VPS13C: variants seen among roughly 807,000 people sequenced by gnomAD.
VPS13C encodes intermembrane lipid transfer protein VPS13C.
In VPS13C, 358 loss-of-function variants were observed where a neutral mutation model predicts 456.8. The observed-to-expected ratio is 0.78, with a 90% confidence interval of 0.72 to 0.86. VPS13C has a LOEUF of 0.86. Among genes scored for constraint, VPS13C ranks in the 40% least tolerant of loss-of-function variants. The pLI, the probability that VPS13C is intolerant of heterozygous loss-of-function variation, is 0.00. For synonymous variants in VPS13C, 1,578 were observed against 1,486.7 expected (o/e 1.06, Z -1.41); for missense variants, 4,818 against 4,385.4 (o/e 1.10, Z -2.79).
intron 58 of VPS13C, among the ~76,000 whole-genome samples, chr15:61,919,008 A>G (rs1226653714): frequency 6.6e-6 from 1 of 152,126 alleles, no homozygotes; most frequent in Non-Finnish European, 1.5e-5. Context: ...AAAGGAATAT[A>G]CCAAAAGAGC....
At chr15:61,897,326 T>C (rs1393563956) in intron 66 of VPS13C, among the ~76,000 whole-genome samples, 1 of 152,008 alleles carries the variant, frequency 6.6e-6, no homozygotes, top group Non-Finnish European at 1.5e-5. Flanking sequence ...GACATTAAAA[T>C]CAAAGGCAAA....
chr15:61,873,656 A>T (rs565439542), intron 77 of VPS13C, among the ~76,000 whole-genome samples: 1 of 152,240 alleles, frequency 6.6e-6, no homozygotes, highest in Admixed American at 6.6e-5. Flanking sequence ...ATTATAAAAA[A>T]GACAAAAAAA....
chr15:61,926,972 C>A, intron 52 of VPS13C, 119 bp downstream of exon 52: 1 of 897,734 alleles, frequency 1.1e-6, no homozygotes, highest in Non-Finnish European at 1.7e-6. Context: ...TATGTAAAAC[C>A]CCAAGTTCAC....
rs2140055174 is a variant in VPS13C, at chr15:61,885,500, T to G, written c.9342-1231A>C. Among the ~76,000 whole-genome samples the G allele has an allele frequency of 2.0e-5, 3 of 152,244 alleles. 1 individual carries two copies. The South Asian group carries it at 6.2e-4, about 32-fold the overall frequency. The stretch of plus-strand genomic sequence containing the variant: ...AGTTACTGCTGCTAACCCATCAAAC[T>G]GCTGTGTGGTAACACAAGTAAGAAC... On this transcript the variant is annotated intron_variant, in intron 67 of 84. Transcript: ENST00000644861.
chr15:62,050,662 C>T lies in VPS13C; in HGVS notation c.101-6407G>A, dbSNP rs369780452. ...AAAAAATACAAAAAAATTAGCCAGG[C>T]ATGGTGGCAGGTGCCTGTCATCTCA... is the stretch of plus-strand genomic sequence containing the variant. On this transcript the variant is annotated intron_variant, in intron 1 of 84. Transcript: ENST00000644861. 1.4e-4 allele frequency among the ~76,000 whole-genome samples: 21 copies of T among 152,090 alleles called. No homozygotes were observed. In the East Asian group the frequency reaches 4.1e-3, roughly 29 times the overall value.
At position 61,880,658 on chromosome 15, in the gene VPS13C, T is replaced by C; in HGVS notation, c.9953A>G (p.Asp3318Gly). ...NAELMETSMT[D>G]MSILSFFEHF... ...TTCAAAGAAACTAAGAATTGACATA[T>C]CAGTCATTGAAGTCTCCATTAATTC... is the stretch of plus-strand genomic sequence containing the variant. Residue 3318 changes from aspartate to glycine, a missense_variant, in exon 73 of 85, where the codon GAT becomes GGT. By Grantham distance (94) the Asp-to-Gly change is moderately conservative. Coordinates refer to ENST00000644861, the MANE Select transcript of VPS13C (RefSeq NM_020821.3). The C allele has an allele frequency of 1.2e-6, 2 of 1,600,836 alleles. No homozygotes were observed. Among genetic ancestry groups the C allele is most frequent in the Non-Finnish European group, 8.5e-7 (1 of 1,174,774 alleles).
At chr15:61,997,002 T>C (rs962073748) in intron 16 of VPS13C, among the ~76,000 whole-genome samples, 1 of 150,276 alleles carries the variant, frequency 6.7e-6, no homozygotes, top group East Asian at 1.9e-4. Flanking sequence ...TACATACATA[T>C]ATATATATAT....
intron 55 of VPS13C, 91 bp downstream of exon 55, chr15:61,921,856 C>A: frequency 5.9e-6 from 8 of 1,357,086 alleles, no homozygotes; most frequent in Non-Finnish European, 8.3e-6. Context: ...TTCAAGGATC[C>A]TAGACCACAT....
At chr15:61,860,675 T>C (rs1377703620) in intron 82 of VPS13C, among the ~76,000 whole-genome samples, 1 of 152,198 alleles carries the variant, frequency 6.6e-6, no homozygotes, top group African/African-American at 2.4e-5. Context: ...ATGATGACAG[T>C]ATATTGTTAC....
At chr15:61,970,355 C>A (rs552965635) in intron 27 of VPS13C, among the ~76,000 whole-genome samples, 10 of 152,208 alleles carry the variant, frequency 6.6e-5, no homozygotes, top group African/African-American at 9.6e-5. Flanking sequence ...AACCCACAAA[C>A]CTGTAAGCAA....
chr15:61,858,141 T>C lies in VPS13C; in HGVS notation c.10953-1732A>G, dbSNP rs909181378. On this transcript the variant is annotated intron_variant, in intron 82 of 84. Transcript: ENST00000644861. This position sits in a 1 kb window ranked among gnomAD's most constrained non-coding sequence, Gnocchi z 4.4. Reference sequence around the variant, plus strand: ...CACAATTCACTATTCCAAATATCTTTAAACTCTTCTCTTTACCATCCCAAT... The same window carrying C: ...CACAATTCACTATTCCAAATATCTTCAAACTCTTCTCTTTACCATCCCAAT... Among the ~76,000 whole-genome samples, 14 of 152,146 alleles carry C rather than the reference T, an allele frequency of 9.2e-5. No homozygotes were observed. Among genetic ancestry groups the C allele is most frequent in the Non-Finnish European group, 1.9e-4 (13 of 68,022 alleles).
rs551408040 is a variant in VPS13C, at chr15:61,864,602, T to G, written c.10864-1074A>C. 4 of 981,178 alleles carry G rather than the reference T, an allele frequency of 4.1e-6. No homozygotes were observed. The East Asian group carries it at 4.5e-4, about 112-fold the overall frequency. 60.8% of individuals were successfully genotyped at this position (981,178 alleles called of 1,614,324 possible). ...CAGAGAAATCACATTTGATATTATT[T>G]CAATGCTTAAATATACATTTTTTAA... On this transcript the variant is annotated intron_variant, in intron 81 of 84. Transcript: ENST00000644861.
intron 49 of VPS13C, among the ~76,000 whole-genome samples, chr15:61,933,683 AT>A (rs573862190): frequency 1.2e-3 from 178 of 152,186 alleles, no homozygotes; most frequent in African/African-American, 4.0e-3. Context: ...CCACTGACAT[AT>A]TATTTAGTTC....
At chr15:62,047,830 G>T (rs1310168111) in intron 1 of VPS13C, among the ~76,000 whole-genome samples, 1 of 152,072 alleles carries the variant, frequency 6.6e-6, no homozygotes. Flanking sequence ...TAAAGAAAAA[G>T]AATTTATAAG....
At chr15:62,025,171 C>G (rs1243645176) in intron 6 of VPS13C, among the ~76,000 whole-genome samples, 1 of 152,066 alleles carries the variant, frequency 6.6e-6, no homozygotes. Context: ...CAACTAAATT[C>G]ATGTTATATA....
chr15:61,910,214 C>T lies in VPS13C; in HGVS notation c.8807G>A (p.Arg2936Gln), dbSNP rs752129229. The change falls in exon 64 of 85, where the codon CGA becomes CAA. Residue 2936 changes from arginine to glutamine, a missense_variant. By Grantham distance (43) the Arg-to-Gln change is conservative (BLOSUM62 1). Coordinates refer to ENST00000644861, the MANE Select transcript of VPS13C (RefSeq NM_020821.3). ...EGSSKPFFYN[R>Q]QDNGTLLSLE... is the part of the protein sequence containing the mutation. Reference sequence around the variant, plus strand: ...GCTCAATAAAGTGCCATTATCCTGTCGGTTATAAAAGAATGGTTTGGAAGA... The same window carrying T: ...GCTCAATAAAGTGCCATTATCCTGTTGGTTATAAAAGAATGGTTTGGAAGA... 9 of 1,485,592 alleles carry T rather than the reference C, an allele frequency of 6.1e-6. No individual in the cohort carries two copies. Among genetic ancestry groups the T allele is most frequent in the South Asian group, 2.9e-5 (2 of 68,516 alleles). 92.0% of individuals were successfully genotyped at this position (1,485,592 alleles called of 1,614,324 possible). A position where few individuals can be genotyped will look rare whatever the true frequency, so the allele number is the denominator to read the frequency against.
At chr15:62,012,588 G>T (rs1030740791) in intron 11 of VPS13C, among the ~76,000 whole-genome samples, 1 of 151,856 alleles carries the variant, frequency 6.6e-6, no homozygotes, top group Non-Finnish European at 1.5e-5. Context: ...AATAAACATG[G>T]CTAAGACTGG....
intron 81 of VPS13C, chr15:61,864,936 C>G (rs780137253): frequency 9.0e-5 from 88 of 977,962 alleles, no homozygotes; most frequent in Non-Finnish European, 1.0e-4. Context: ...ATACTACCCA[C>G]TTTCTATCTT....
intron 23 of VPS13C, among the ~76,000 whole-genome samples, chr15:61,977,425 T>C (rs2045737084): frequency 6.6e-6 from 1 of 152,006 alleles, no homozygotes; most frequent in Non-Finnish European, 1.5e-5. Flanking sequence ...GACTGTGATA[T>C]AAAATAATTC....
Sources: allele counts gnomAD v4.1 joint callset (sites outside exome capture counted in the v4.1 genomes callset), GRCh38; gene constraint gnomAD v4.1.1; non-coding constraint Gnocchi (gnomAD v3.1); transcripts MANE v1.5; gene names NCBI Gene and HGNC (gene_info 2026-07-23, HGNC 2026-07-21).